The following GSN variants were observed in gnomAD, a reference collection of about 807,000 sequenced individuals.
The protein encoded by GSN is gelsolin.
Under a neutral mutation model 85.7 loss-of-function variants are expected in GSN, and 56 were observed. That is an observed-to-expected ratio of 0.65 (90% CI 0.53 to 0.82). The LOEUF (loss-of-function observed/expected upper bound fraction) is 0.82. Ranked by LOEUF, GSN falls within the 40% of genes least tolerant of loss-of-function variation. The pLI, the probability that GSN is intolerant of heterozygous loss-of-function variation, is 0.00. For synonymous variants in GSN, 373 were observed against 399.1 expected, an observed-to-expected ratio of 0.93 and a Z score of 0.78; for missense variants, 857 against 979.8, an observed-to-expected ratio of 0.87 and a Z score of 1.67.
At chr9:121,310,607 C>A (rs1167927378) in intron 4 of GSN, 77 bp from the exon 5 acceptor site, 4 of 1,427,176 alleles carry the variant, frequency 2.8e-6, no homozygotes, top group Non-Finnish European at 3.9e-6. Flanking sequence ...TCCTTTACCT[C>A]AATTCTGTCC....
At chr9:121,279,490 G>A (rs995076099) in intron 1 of GSN, among the ~76,000 whole-genome samples, 2 of 152,018 alleles carry the variant, frequency 1.3e-5, no homozygotes, top group African/African-American at 2.4e-5. Context: ...GAGAAGGGGG[G>A]ACACTCTGGA....
intron 5 of GSN, among the ~76,000 whole-genome samples, chr9:121,234,605 C>T (rs1349271145): frequency 2.0e-5 from 3 of 152,162 alleles, no homozygotes; most frequent in South Asian, 2.1e-4. Context: ...GTGTGACATA[C>T]GATGACTAGG....
chr9:121,310,822 T>G lies in GSN; in HGVS notation c.490T>G (p.Cys164Gly). 6.2e-7 allele frequency: 1 copy of G among 1,614,130 alleles called. No individual in the cohort carries two copies. Among genetic ancestry groups the G allele is most frequent in the Non-Finnish European group, 8.5e-7 (1 of 1,180,020 alleles). The change falls in exon 5 of 18, where the codon TGC (cysteine) becomes GGC (glycine). Residue 164 changes from cysteine to glycine, a missense_variant. Cys to Gly is a radical substitution (Grantham distance 159). Coordinates refer to ENST00000432226, the MANE Select transcript of GSN (RefSeq NM_198252.3). ...CTGGGAGAGCTTCAACAATGGCGAC[T>G]GCTTCATCCTGGACCTGGGCAACGT... ...VSWESFNNGDCFILDLGNNIH... is the reference protein window; with the variant it reads ...VSWESFNNGDGFILDLGNNIH...
chr9:121,264,834 C>T (rs1290878318), upstream of GSN, among the ~76,000 whole-genome samples: 1 of 152,146 alleles, frequency 6.6e-6, no homozygotes, highest in African/African-American at 2.4e-5. Context: ...TCACTCGGGC[C>T]AGAGTTAATT....
At chr9:121,235,262 C>T (rs1026179053) in intron 5 of GSN, among the ~76,000 whole-genome samples, 1 of 152,220 alleles carries the variant, frequency 6.6e-6, no homozygotes, top group Admixed American at 6.5e-5. Context: ...CATCTCAAGA[C>T]GTGAGCTTGT....
At chr9:121,237,770 G>C (rs892523855) in intron 5 of GSN, among the ~76,000 whole-genome samples, 1 of 152,176 alleles carries the variant, frequency 6.6e-6, no homozygotes, top group Non-Finnish European at 1.5e-5. Context: ...TCTTGAGGAG[G>C]TTGAGAGGTA....
At chr9:121,294,440 C>A (rs1437600407) in intron 2 of GSN, among the ~76,000 whole-genome samples, 1 of 152,174 alleles carries the variant, frequency 6.6e-6, no homozygotes, top group East Asian at 1.9e-4. Context: ...GAGCTCATAC[C>A]CATGGCCAAA....
intron 1 of GSN, among the ~76,000 whole-genome samples, chr9:121,275,430 G>A (rs552796257): frequency 6.6e-6 from 1 of 152,164 alleles, no homozygotes; most frequent in Non-Finnish European, 1.5e-5. Flanking sequence ...TGACTCCAAA[G>A]AGCCCTGGAA....
chr9:121,324,337 C>T (rs914149323), intron 11 of GSN, among the ~76,000 whole-genome samples: 30 of 152,212 alleles, frequency 2.0e-4, no homozygotes, highest in African/African-American at 6.5e-4. Flanking sequence ...GAAATCCATG[C>T]GTTGCACTAA....
chr9:121,215,828 AATTAT>A (rs895555516), intron 4 of GSN, among the ~76,000 whole-genome samples: 2 of 152,066 alleles, frequency 1.3e-5, no homozygotes, highest in Admixed American at 1.3e-4. Flanking sequence ...TATGATTAGA[AATTAT>A]ATTACAAGCC....
intron 2 of GSN, chr9:121,285,997 C>A: frequency 1.2e-6 from 1 of 823,380 alleles, no homozygotes; most frequent in Non-Finnish European, 2.0e-6. Context: ...GGAGAAGAAC[C>A]ATTTCCGGAA....
In GSN at chr9:121,227,549, C is replaced by T. The variant is rs113163628; in HGVS notation, c.-527-3616C>T. Reference sequence around the variant, plus strand: ...AGTGTAGATGATAACCTACTACTTGCAATGTGTATCTGAAGTGGGAAACAG... The same window carrying T: ...AGTGTAGATGATAACCTACTACTTGTAATGTGTATCTGAAGTGGGAAACAG... On this transcript the variant is annotated intron_variant, in intron 4 of 24. Coordinates refer to the GSN transcript ENST00000373823. 5.8e-3 allele frequency among the ~76,000 whole-genome samples: 885 copies of T among 152,152 alleles called. 10 individuals carry two copies. The highest frequency in any genetic ancestry group is 0.02 in the African/African-American group (845 of 41,488).
intron 4 of GSN, among the ~76,000 whole-genome samples, chr9:121,227,566 G>A (rs1178961569): frequency 2.6e-5 from 4 of 152,090 alleles, no homozygotes; most frequent in Admixed American, 6.5e-5. Flanking sequence ...TATCTGAAGT[G>A]GGAAACAGTC....
At chr9:121,297,318 A>G (rs2059312755) in intron 2 of GSN, among the ~76,000 whole-genome samples, 1 of 152,236 alleles carries the variant, frequency 6.6e-6, no homozygotes, top group Non-Finnish European at 1.5e-5. Context: ...TGATTCACAC[A>G]CTAAGTATAC....
intron 1 of GSN, among the ~76,000 whole-genome samples, chr9:121,273,691 A>G (rs1460204955): frequency 1.3e-5 from 2 of 152,030 alleles, no homozygotes; most frequent in South Asian, 2.1e-4. Context: ...TCAACATTAT[A>G]TCGTAAGTAT....
intron 11 of GSN, among the ~76,000 whole-genome samples, chr9:121,322,790 T>TA (rs1388154531): frequency 6.6e-6 from 1 of 152,080 alleles, no homozygotes; most frequent in East Asian, 1.9e-4. Flanking sequence ...GTATTTCTCT[T>TA]ACTATACAGT....
chr9:121,204,403 T>C (rs934476495), upstream of GSN, among the ~76,000 whole-genome samples: 1 of 152,256 alleles, frequency 6.6e-6, no homozygotes, highest in African/African-American at 2.4e-5. Context: ...GCTGCTTTCC[T>C]ATGTGAAAGA....
At chr9:121,295,993 C>T (rs1397302038) in intron 2 of GSN, among the ~76,000 whole-genome samples, 1 of 152,242 alleles carries the variant, frequency 6.6e-6, no homozygotes, top group Non-Finnish European at 1.5e-5. Flanking sequence ...GGGGATCTTC[C>T]AGGCCTTTGG....
intron 5 of GSN, chr9:121,238,938 A>G: frequency 1.9e-6 from 1 of 536,852 alleles, no homozygotes; most frequent in Non-Finnish European, 3.8e-6. Flanking sequence ...CTCCAATAGC[A>G]GACTTCATGA....
Sources: gnomAD v4.1 joint callset for allele counts (sites outside exome capture counted in the v4.1 genomes callset) on GRCh38, gnomAD v4.1.1 for gene constraint, MANE v1.5 for transcripts, NCBI Gene and HGNC (gene_info 2026-07-23, HGNC 2026-07-21) for gene names.